ANK3: variants seen among roughly 807,000 people sequenced by gnomAD.
ANK3 encodes ankyrin-3.
Under a neutral mutation model 370.9 loss-of-function variants are expected in ANK3, and 57 were observed. The ratio of observed to expected loss-of-function variants is 0.15; its 90% CI spans 0.12 to 0.19. The LOEUF is 0.19. Ranked by LOEUF, ANK3 falls within the 10% of genes least tolerant of loss-of-function variation. The pLI is 1.00. For synonymous variants in ANK3, 1,929 were observed against 1,946.3 expected (o/e 0.99, Z 0.23); for missense variants, 4,439 against 5,302.1 (o/e 0.84, Z 5.06).
intron 16 of ANK3, among the ~76,000 whole-genome samples, chr10:60,195,212 G>A (rs887077940): frequency 6.6e-5 from 10 of 151,960 alleles, no homozygotes; most frequent in African/African-American, 2.2e-4. Context: ...GTGAAACCCG[G>A]TCTCTACCAA....
chr10:60,362,362 C>CATGAATAGA, intron 1 of ANK3, among the ~76,000 whole-genome samples: 1 of 151,950 alleles, frequency 6.6e-6, no homozygotes, highest in African/African-American at 2.4e-5. Context: ...AGAATAATTC[C>CATGAATAGA]TATGAATAGA....
chr10:60,240,204 A>T (rs551673960), intron 7 of ANK3, among the ~76,000 whole-genome samples: 50 of 142,394 alleles, frequency 3.5e-4, no homozygotes, highest in African/African-American at 1.3e-3. Context: ...ACACACACAC[A>T]TATATATACA....
At chr10:60,545,131 G>A (rs2076934656) in intron 2 of ANK3, among the ~76,000 whole-genome samples, 1 of 40,602 alleles carries the variant, frequency 2.5e-5, no homozygotes, top group Non-Finnish European at 5.8e-5. Flanking sequence ...TGATGCTAGG[G>A]TGGGAAGAGG....
chr10:60,035,689 T>C (rs1364734513), intron 43 of ANK3, among the ~76,000 whole-genome samples: 1 of 151,610 alleles, frequency 6.6e-6, no homozygotes, highest in Non-Finnish European at 1.5e-5. Context: ...CAGGAATTTT[T>C]TAAGGGTAAG....
At chr10:60,146,526 T>C (rs981338787) in intron 23 of ANK3, among the ~76,000 whole-genome samples, 7 of 152,174 alleles carry the variant, frequency 4.6e-5, no homozygotes, top group African/African-American at 9.7e-5. Context: ...TCTCACTCTA[T>C]TGCCCAGGCT....
chr10:60,257,054 T>C (rs2097750507), intron 7 of ANK3, among the ~76,000 whole-genome samples: 1 of 152,236 alleles, frequency 6.6e-6, no homozygotes, highest in Non-Finnish European at 1.5e-5. Context: ...CTTTCCAATT[T>C]GTGGCTGAAC....
At chr10:60,193,220 T>C (rs1191020224) in intron 16 of ANK3, among the ~76,000 whole-genome samples, 3 of 152,226 alleles carry the variant, frequency 2.0e-5, no homozygotes, top group Non-Finnish European at 2.9e-5. Context: ...TGGAATGTTA[T>C]AAAGAATTAT....
chr10:60,657,882 A>G (rs1385513299), intron 1 of ANK3, among the ~76,000 whole-genome samples: 1 of 89,818 alleles, frequency 1.1e-5, no homozygotes, highest in Non-Finnish European at 2.6e-5. Flanking sequence ...TTAGTCTCAT[A>G]TATTATGAAA....
chr10:60,150,254 G>C (rs2095045344), intron 23 of ANK3, among the ~76,000 whole-genome samples: 1 of 152,138 alleles, frequency 6.6e-6, no homozygotes, highest in African/African-American at 2.4e-5. Flanking sequence ...ACTCCTGTGT[G>C]CTGAGCTCTT....
intron 4 of ANK3, among the ~76,000 whole-genome samples, chr10:60,274,306 A>G (rs2098050024): frequency 6.6e-6 from 1 of 152,094 alleles, no homozygotes; most frequent in South Asian, 2.1e-4. Flanking sequence ...TATTGATAAA[A>G]TGTTTTTGGT....
intron 2 of ANK3, among the ~76,000 whole-genome samples, chr10:60,530,726 T>C (rs2076586857): frequency 1.3e-5 from 2 of 152,154 alleles, no homozygotes; most frequent in South Asian, 4.1e-4. Context: ...GTTTTGGATC[T>C]TGGAAGAAGT....
At chr10:60,243,198 CTT>C (rs1339834895) in intron 7 of ANK3, among the ~76,000 whole-genome samples, 2 of 152,116 alleles carry the variant, frequency 1.3e-5, no homozygotes, top group African/African-American at 4.8e-5. Context: ...TTGCAGATCT[CTT>C]ATCTGTAAAA....
At chr10:60,412,123 A>T (rs1167242217) in intron 2 of ANK3, among the ~76,000 whole-genome samples, 1 of 152,186 alleles carries the variant, frequency 6.6e-6, no homozygotes. Flanking sequence ...GTTCCCAGCC[A>T]CCAGGTAGAC....
intron 8 of ANK3, among the ~76,000 whole-genome samples, chr10:60,222,531 G>A (rs1437069436): frequency 6.6e-6 from 1 of 151,970 alleles, no homozygotes; most frequent in African/African-American, 2.4e-5. Context: ...TGAAGCTGGT[G>A]TGGCCTATCA....
At chr10:60,402,020 C>A (rs764256308) in intron 2 of ANK3, among the ~76,000 whole-genome samples, 9 of 152,180 alleles carry the variant, frequency 5.9e-5, no homozygotes, top group Non-Finnish European at 1.3e-4. Flanking sequence ...TGACAGTTGG[C>A]AGACAGAATG....
chr10:60,733,482 TC>T, exon 1 of ANK3: 1 of 548,964 alleles, frequency 1.8e-6, no homozygotes, highest in Non-Finnish European at 2.7e-6. Context: ...CCTATCCTCC[TC>T]CTGCTGTGTC....
chr10:60,229,870 A>C (rs1689401048), intron 8 of ANK3, among the ~76,000 whole-genome samples: 1 of 152,194 alleles, frequency 6.6e-6, no homozygotes, highest in Non-Finnish European at 1.5e-5. Context: ...CACTAAGATG[A>C]CCACGTGCAT....
chr10:60,649,668 C>T (rs763755041), intron 1 of ANK3, among the ~76,000 whole-genome samples: 1 of 152,156 alleles, frequency 6.6e-6, no homozygotes, highest in Non-Finnish European at 1.5e-5. Context: ...CCTAGGAGGC[C>T]CCTGAAGGTG....
chr10:60,108,566 C>A (rs894759572), intron 27 of ANK3, among the ~76,000 whole-genome samples: 2 of 152,082 alleles, frequency 1.3e-5, no homozygotes, highest in African/African-American at 2.4e-5. Context: ...TCTACAGGGA[C>A]CACTGGGGTT....
Sources: gnomAD v4.1 joint callset for allele counts (sites outside exome capture counted in the v4.1 genomes callset) on GRCh38, gnomAD v4.1.1 for gene constraint, MANE v1.5 for transcripts, NCBI Gene and HGNC (gene_info 2026-07-23, HGNC 2026-07-21) for gene names.